The following TENM2 variants were observed in gnomAD, a reference collection of about 807,000 sequenced individuals.
TENM2 encodes teneurin transmembrane protein 2.
In TENM2, 52 loss-of-function variants were observed where a neutral mutation model predicts 245.2. The observed-to-expected ratio is 0.21, with a 90% confidence interval of 0.17 to 0.27. The LOEUF is 0.27. Among genes scored for constraint, TENM2 ranks in the 10% least tolerant of loss-of-function variants. TENM2 has a pLI of 1.00. For missense variants in TENM2, 3,046 were observed against 3,666.8 expected, an observed-to-expected ratio of 0.83 and a Z score of 4.37; for synonymous variants, 1,363 against 1,438.9, an observed-to-expected ratio of 0.95 and a Z score of 1.19.
chr5:167,046,346 T>G, the TENM2 span, among the ~76,000 whole-genome samples: 1 of 152,170 alleles, frequency 6.6e-6, no homozygotes, highest in Non-Finnish European at 1.5e-5. Context: ...CCATTAAAGA[T>G]CTACTTGCTT....
intron 2 of TENM2, among the ~76,000 whole-genome samples, chr5:167,819,997 C>T (rs1226769950): frequency 6.6e-6 from 1 of 152,084 alleles, no homozygotes; most frequent in Non-Finnish European, 1.5e-5. Context: ...TTTGTATTGC[C>T]TCAACTTTGC....
chr5:167,464,877 T>G (rs1766544148), intron 2 of TENM2, among the ~76,000 whole-genome samples: 1 of 152,226 alleles, frequency 6.6e-6, no homozygotes, highest in Non-Finnish European at 1.5e-5. Flanking sequence ...CACTATGCAT[T>G]TGTTGAAAAT....
the TENM2 span, among the ~76,000 whole-genome samples, chr5:167,274,491 A>G: frequency 6.6e-6 from 1 of 152,132 alleles, no homozygotes; most frequent in African/African-American, 2.4e-5. Flanking sequence ...TTGCATGAAC[A>G]TAAGTTTTCA....
chr5:167,555,247 T>G (rs1773195192), intron 2 of TENM2, among the ~76,000 whole-genome samples: 1 of 152,180 alleles, frequency 6.6e-6, no homozygotes, highest in South Asian at 2.1e-4. Context: ...TTCTGGGAGA[T>G]CTCAGCAGTT....
intron 2 of TENM2, among the ~76,000 whole-genome samples, chr5:167,794,797 C>T (rs963975135): frequency 1.3e-5 from 2 of 152,176 alleles, no homozygotes; most frequent in African/African-American, 4.8e-5. Context: ...AAGCACGTTA[C>T]TAATGCAATA....
At chr5:168,128,157 C>T (rs1795989242) in intron 12 of TENM2, among the ~76,000 whole-genome samples, 1 of 152,238 alleles carries the variant, frequency 6.6e-6, no homozygotes, top group Non-Finnish European at 1.5e-5. Flanking sequence ...ACGACCATAG[C>T]ACTGGGACCC....
chr5:167,129,866 G>C, the TENM2 span, among the ~76,000 whole-genome samples: 1,094 of 152,116 alleles, frequency 7.2e-3, 19 homozygotes, highest in African/African-American at 0.024. Context: ...ATTATGCATC[G>C]TCTAATATTC....
chr5:168,187,135 T>G (rs552882957), intron 13 of TENM2: 1 of 152,292 alleles, frequency 6.6e-6, no homozygotes, highest in South Asian at 2.1e-4. Context: ...TGTATCCTAT[T>G]TTCTTTCTGT....
chr5:168,115,664 AACCAT>A (rs1795031456), intron 9 of TENM2, among the ~76,000 whole-genome samples: 3 of 152,248 alleles, frequency 2.0e-5, no homozygotes, highest in African/African-American at 7.2e-5. Flanking sequence ...CACGTTGTGC[AACCAT>A]ACTTCTCGCT....
chr5:167,926,618 C>T (rs532545178), intron 3 of TENM2, among the ~76,000 whole-genome samples: 69 of 151,956 alleles, frequency 4.5e-4, no homozygotes, highest in South Asian at 1.2e-3. Flanking sequence ...CTACTTGGGA[C>T]GCTGAGGCAG....
At chr5:168,125,263 C>T (rs527539848) in intron 11 of TENM2, among the ~76,000 whole-genome samples, 3 of 152,108 alleles carry the variant, frequency 2.0e-5, no homozygotes, top group Middle Eastern at 3.2e-3. Flanking sequence ...GTACCATCAC[C>T]GCAAATGCAT....
chr5:168,051,813 G>C (rs1789108190), intron 6 of TENM2, among the ~76,000 whole-genome samples: 1 of 152,168 alleles, frequency 6.6e-6, no homozygotes, highest in South Asian at 2.1e-4. Flanking sequence ...TAAATGAGAT[G>C]ACCCTTGTAA....
At chr5:168,162,896 A>G in intron 13 of TENM2, 139 bp downstream of exon 15, 1 of 1,051,284 alleles carries the variant, frequency 9.5e-7, no homozygotes, top group Non-Finnish European at 1.4e-6. Flanking sequence ...AAGCAAATGC[A>G]GCAGAGAACA....
At chr5:167,481,053 C>A (rs879022668) in intron 2 of TENM2, among the ~76,000 whole-genome samples, 2 of 152,276 alleles carry the variant, frequency 1.3e-5, no homozygotes, top group South Asian at 2.1e-4. Flanking sequence ...AATGTCTTTT[C>A]AATATTTTGT....
At chr5:167,393,870 T>G (rs1481498184) in intron 2 of TENM2, among the ~76,000 whole-genome samples, 3 of 152,158 alleles carry the variant, frequency 2.0e-5, no homozygotes, top group African/African-American at 4.8e-5. Flanking sequence ...CAATGTATTT[T>G]GAAGGTAAAG....
At chr5:167,241,255 G>T in the TENM2 span, among the ~76,000 whole-genome samples, 4 of 152,120 alleles carry the variant, frequency 2.6e-5, no homozygotes, top group African/African-American at 9.7e-5. Flanking sequence ...TAGTCAGGCG[G>T]GTTAGAAGTA....
At chr5:167,984,583 A>G (rs1583570270) in intron 4 of TENM2, among the ~76,000 whole-genome samples, 1 of 152,132 alleles carries the variant, frequency 6.6e-6, no homozygotes, top group South Asian at 2.1e-4. Context: ...TTGAACTGGG[A>G]GGTGGAGGTT....
chr5:167,305,431 A>G (rs1314984734), intron 1 of TENM2, among the ~76,000 whole-genome samples: 2 of 152,202 alleles, frequency 1.3e-5, no homozygotes, highest in Admixed American at 1.3e-4. Flanking sequence ...ATAATAACAC[A>G]TGCTATAGTT....
At chr5:167,728,876 T>C (rs1259438435) in intron 2 of TENM2, 1 of 152,260 alleles carries the variant, frequency 6.6e-6, no homozygotes, top group African/African-American at 2.4e-5. Flanking sequence ...GAGGCCAGGC[T>C]GGCCATATGT....
Sources: gnomAD v4.1 joint callset for allele counts (sites outside exome capture counted in the v4.1 genomes callset) on GRCh38, gnomAD v4.1.1 for gene constraint, MANE v1.5 for transcripts, NCBI Gene and HGNC (gene_info 2026-07-23, HGNC 2026-07-21) for gene names.